APLF: variants seen among roughly 807,000 people sequenced by gnomAD.
The protein encoded by APLF is aprataxin and PNK-like factor.
Under a neutral mutation model 55.6 loss-of-function variants are expected in APLF, and 61 were observed. That is an observed-to-expected ratio of 1.10 (90% CI 0.89 to 1.36). The LOEUF (loss-of-function observed/expected upper bound fraction) is 1.36. Ranked by LOEUF, APLF falls within the 40% of genes most tolerant of loss-of-function variation. The pLI is 0.00. For missense variants in APLF, 611 were observed against 602.5 expected, an observed-to-expected ratio of 1.01 and a Z score of -0.15; for synonymous variants, 207 against 214.8, an observed-to-expected ratio of 0.96 and a Z score of 0.32.
intron 8 of APLF, among the ~76,000 whole-genome samples, chr2:68,556,885 G>T (rs1671031769): frequency 6.6e-6 from 1 of 152,158 alleles, no homozygotes; most frequent in Admixed American, 6.6e-5. Flanking sequence ...CATGGCCTGT[G>T]TAGTGTGACA....
intron 3 of APLF, among the ~76,000 whole-genome samples, chr2:68,503,741 G>A: frequency 6.6e-6 from 1 of 152,030 alleles, no homozygotes; most frequent in East Asian, 1.9e-4. Flanking sequence ...TCGAATGCCT[G>A]TATTAGAAGA....
At chr2:68,549,061 C>T (rs1002212120) in intron 8 of APLF, among the ~76,000 whole-genome samples, 1 of 151,974 alleles carries the variant, frequency 6.6e-6, no homozygotes, top group Admixed American at 6.6e-5. Context: ...CAAGTATCTA[C>T]ATTTCCCTAT....
At chr2:68,545,887 T>C (rs1331117072) in intron 8 of APLF, among the ~76,000 whole-genome samples, 2 of 152,178 alleles carry the variant, frequency 1.3e-5, no homozygotes, top group Non-Finnish European at 2.9e-5. Context: ...CTCATCTTTG[T>C]ATCTTGCAAC....
At chr2:68,517,138 T>G (rs187839107) in intron 5 of APLF, among the ~76,000 whole-genome samples, 2,718 of 123,950 alleles carry the variant, frequency 0.022, 49 homozygotes, top group Middle Eastern at 0.059. Context: ...CTATAACATA[T>G]TAATATATGT....
At chr2:68,546,069 G>T (rs111529095) in intron 8 of APLF, among the ~76,000 whole-genome samples, 3,879 of 152,156 alleles carry the variant, frequency 0.025, 63 homozygotes, top group South Asian at 0.043. Context: ...TGTGATTGTG[G>T]TTTTCAATGA....
intron 3 of APLF, among the ~76,000 whole-genome samples, chr2:68,508,385 G>A (rs1386550838): frequency 6.6e-6 from 1 of 151,790 alleles, no homozygotes; most frequent in Non-Finnish European, 1.5e-5. Flanking sequence ...TTCAACAAAT[G>A]ATGCTGGGAC....
chr2:68,515,212 C>G (rs1049755676), intron 5 of APLF, among the ~76,000 whole-genome samples: 1 of 151,656 alleles, frequency 6.6e-6, no homozygotes, highest in Non-Finnish European at 1.5e-5. Context: ...ATTTTCCAAT[C>G]TAAGCCTAAG....
intron 7 of APLF, among the ~76,000 whole-genome samples, chr2:68,540,889 A>C (rs2104010421): frequency 6.6e-6 from 1 of 152,300 alleles, no homozygotes; most frequent in South Asian, 2.1e-4. Context: ...TGAAAGACTT[A>C]CATGACCAGA....
chr2:68,505,605 A>T (rs907485178), intron 3 of APLF, among the ~76,000 whole-genome samples: 2 of 152,054 alleles, frequency 1.3e-5, no homozygotes, highest in African/African-American at 4.8e-5. Context: ...GGAACAGTTT[A>T]CTTACTAGAT....
intron 1 of APLF, among the ~76,000 whole-genome samples, chr2:68,487,961 G>T (rs1676235853): frequency 6.6e-6 from 1 of 152,038 alleles, no homozygotes; most frequent in Non-Finnish European, 1.5e-5. Flanking sequence ...TCCACTAGAG[G>T]TCACATTATA....
intron 9 of APLF, among the ~76,000 whole-genome samples, chr2:68,571,310 T>G (rs997484527): frequency 4.9e-4 from 74 of 152,296 alleles, no homozygotes; most frequent in African/African-American, 1.6e-3. Context: ...TAGATCCCAT[T>G]TGTCAATTTT....
At chr2:68,509,563 A>G (rs1357410495) in intron 3 of APLF, among the ~76,000 whole-genome samples, 2 of 152,086 alleles carry the variant, frequency 1.3e-5, no homozygotes, top group African/African-American at 4.8e-5. Context: ...AAAAGTCAGG[A>G]AACAACAGGT....
At chr2:68,518,969 A>C (rs1213409138) in intron 5 of APLF, among the ~76,000 whole-genome samples, 2 of 123,776 alleles carry the variant, frequency 1.6e-5, no homozygotes, top group East Asian at 4.3e-4. Flanking sequence ...ATACATAATA[A>C]TATGCTATTA....
chr2:68,502,966 A>G lies in APLF; in HGVS notation c.341+63A>G, dbSNP rs1676767330. 4.6e-6 allele frequency: 7 copies of G among 1,524,468 alleles called. No homozygotes were observed. The South Asian group carries it at 8.6e-5, about 19-fold the overall frequency. 94.4% of individuals were successfully genotyped at this position (1,524,468 alleles called of 1,614,324 possible). On this transcript the variant is annotated intron_variant, in intron 3 of 9. Transcript: ENST00000303795. ...TTAATCTAATTCCTCAGCCATCACA[A>G]ATCCTTCGGTAGGAACCAGTAGAAA...
intron 8 of APLF, among the ~76,000 whole-genome samples, chr2:68,555,207 A>G (rs1670971535): frequency 6.6e-6 from 1 of 152,146 alleles, no homozygotes; most frequent in Admixed American, 6.6e-5. Flanking sequence ...TGTAAAAATT[A>G]TAGAAGACAA....
Position 68,568,146 on chromosome 2 carries a change from A to G in APLF, c.1333+759A>G, listed in dbSNP as rs1018459476. Reference sequence around the variant, plus strand: ...ATGTCCTTCTGTCCTACTTACCTCAATCTGTTTTACCTTCTGTTTGTTATG... The same window carrying G: ...ATGTCCTTCTGTCCTACTTACCTCAGTCTGTTTTACCTTCTGTTTGTTATG... On this transcript the variant is annotated intron_variant, in intron 9 of 9. Transcript: ENST00000303795. 1.6e-5 allele frequency: 6 copies of G among 376,800 alleles called. No individual in the cohort carries two copies. In the Admixed American group the frequency reaches 2.6e-4, roughly 16 times the overall value. The allele number at this position is 376,800 out of a possible 1,614,324, so 23.3% of individuals were successfully genotyped here.
chr2:68,511,780 A>G (rs903712665), intron 3 of APLF, among the ~76,000 whole-genome samples: 4 of 151,708 alleles, frequency 2.6e-5, no homozygotes, highest in South Asian at 2.1e-4. Flanking sequence ...ATATGTCTCC[A>G]GCACCTGGCA....
Position 68,537,857 on chromosome 2 carries a change from A to C in APLF, c.805-15A>C, listed in dbSNP as rs549631410. The C allele has an allele frequency of 5.3e-6, 8 of 1,505,376 alleles. 1 individual carries two copies. In the Admixed American group the frequency reaches 6.3e-5, roughly 12 times the overall value. The allele number at this position is 1,505,376 out of a possible 1,614,324, so 93.3% of individuals were successfully genotyped here. ...GTTTCATTTATTTCTGATGTTTTTC[A>C]TATTTGTTTTACAGGAAATGCCACA... On this transcript the variant is annotated splice_polypyrimidine_tract_variant and intron_variant, in intron 6 of 9. Transcript: ENST00000303795.
At chr2:68,538,286 G>T in intron 7 of APLF, 59 bp downstream of exon 7, 2 of 1,414,174 alleles carry the variant, frequency 1.4e-6, no homozygotes, top group Non-Finnish European at 1.9e-6. Flanking sequence ...TAGCTATGTA[G>T]ATACATGCTA....
Sources: allele counts gnomAD v4.1 joint callset (sites outside exome capture counted in the v4.1 genomes callset), GRCh38; gene constraint gnomAD v4.1.1; transcripts MANE v1.5; gene names NCBI Gene and HGNC (gene_info 2026-07-23, HGNC 2026-07-21).